The following MSLN variants were observed in gnomAD, a reference collection of about 807,000 sequenced individuals.
MSLN encodes CAK1 antigen.
A neutral mutation model predicts 72.6 loss-of-function variants in MSLN; 82 were observed. The ratio of observed to expected loss-of-function variants is 1.13; its 90% CI spans 0.94 to 1.36. The LOEUF (loss-of-function observed/expected upper bound fraction) is 1.36. MSLN is among the 40% of genes most tolerant of loss of function. The pLI is 0.00. For synonymous variants in MSLN, 456 were observed against 387.3 expected (o/e 1.18, Z -2.08); for missense variants, 1,005 against 847.9 (o/e 1.19, Z -2.30).
chr16:764,766 C>A (rs368821362), intron 7 of MSLN, 40 bp downstream of exon 7: 3 of 1,584,164 alleles, frequency 1.9e-6, no homozygotes, highest in Non-Finnish European at 8.6e-7. Flanking sequence ...CGGCTTTTGC[C>A]GCCAGCCCTC....
At chr16:766,541 G>A (rs769635186) in intron 13 of MSLN, 51 bp downstream of exon 13, 9 of 1,610,656 alleles carry the variant, frequency 5.6e-6, no homozygotes, top group Non-Finnish European at 7.6e-6. Flanking sequence ...AAGGGCTGAG[G>A]GGCAGAGTGG....
Position 765,285 on chromosome 16 carries a change from G to C in MSLN, c.686G>C (p.Gly229Ala). The change falls in exon 9 of 18, where the codon GGC becomes GCC. Residue 229 changes from glycine (G) to alanine (A), a missense_variant. Coordinates refer to ENST00000545450, the MANE Select transcript of MSLN (RefSeq NM_005823.6). ...GAGGCAGCCAGGGCGGCTCTGCAGG[G>C]CGGGGGACCCCCCTACGGGTAAGTG... ...QQEAARAALQ[G>A]GGPPYGPPST... The C allele has an allele frequency of 6.3e-7, 1 of 1,580,260 alleles. No homozygotes were observed. Among genetic ancestry groups the C allele is most frequent in the Non-Finnish European group, 8.5e-7 (1 of 1,169,746 alleles).
At chr16:765,335 C>G (rs769164156) in intron 9 of MSLN, 32 bp downstream of exon 9, 16 of 1,519,524 alleles carry the variant, frequency 1.1e-5, no homozygotes, top group Non-Finnish European at 1.4e-5. Flanking sequence ...CTCGAAGGCT[C>G]ACCTGGCGGC....
rs745665649 is a variant in MSLN at position 768,571 on chromosome 16, C to T, written c.1783+6C>T. On this transcript the variant is annotated splice_donor_region_variant and intron_variant, in intron 17 of 17. Transcript: ENST00000545450. The stretch of plus-strand genomic sequence containing the variant: ...CCTAGACCTCAGCATGCAAGGTGGG[C>T]GGGGCGGCCAGGCCAGGGCTGGGGG... 5.0e-5 allele frequency: 81 copies of T among 1,605,724 alleles called. No homozygotes were observed. The Admixed American group carries it at 5.7e-4, about 11-fold the overall frequency.
In MSLN at chr16:768,487, G is replaced by A. The variant is rs2041671794; in HGVS notation, c.1705G>A (p.Asp569Asn). 3 of 1,577,712 alleles carry A rather than the reference G, an allele frequency of 1.9e-6. No homozygotes were observed. Among genetic ancestry groups the A allele is most frequent in the Non-Finnish European group, 2.6e-6 (3 of 1,159,516 alleles). ...GGACTGGATCCTACGGCAGCGGCAG[G>A]ACGACCTGGACACGCTGGGGCTGGG... is the stretch of plus-strand genomic sequence containing the variant. ...VRDWILRQRQ[D>N]DLDTLGLGLQ... Residue 569 changes from aspartate to asparagine, a missense_variant, in exon 17 of 18, where the codon GAC (aspartate) becomes AAC (asparagine). Physicochemically the swap from Asp to Asn is conservative, Grantham distance 23. Coordinates refer to ENST00000545450, the MANE Select transcript of MSLN (RefSeq NM_005823.6).
Position 763,775 on chromosome 16 carries a change from A to T in MSLN, c.179+84A>T, listed in dbSNP as rs9929183. On this transcript the variant is annotated intron_variant, in intron 5 of 17. Coordinates refer to ENST00000545450, the MANE Select transcript of MSLN (RefSeq NM_005823.6). ...GGGTGGGCAGGGCACCCCATCCCCC[A>T]GCATCCCCTCCCCCTTCCTCCTCTG... 2.2e-5 allele frequency: 8 copies of T among 361,202 alleles called. No homozygotes were observed. In the Admixed American group the frequency reaches 2.8e-4, roughly 13 times the overall value. 22.4% of individuals were successfully genotyped at this position (361,202 alleles called of 1,614,324 possible). A position where few individuals can be genotyped will look rare whatever the true frequency, so the allele number is the denominator to read the frequency against.
chr16:765,536 G>C lies in MSLN; in HGVS notation c.714G>C (p.Ser238=). 1 of 1,605,962 alleles carries C rather than the reference G, an allele frequency of 6.2e-7. No homozygotes were observed. Among genetic ancestry groups the C allele is most frequent in the Non-Finnish European group, 8.5e-7 (1 of 1,178,838 alleles). The change falls in exon 10 of 18, where the codon TCG becomes TCC. Residue 238 remains serine, a synonymous_variant. Coordinates refer to ENST00000545450, the MANE Select transcript of MSLN (RefSeq NM_005823.6). ...TCCCGTGTCTGCACAGCCCCCCGTCGACATGGTCTGTCTCCACGATGGACG... is the reference window on the plus strand; with the variant it reads ...TCCCGTGTCTGCACAGCCCCCCGTCCACATGGTCTGTCTCCACGATGGACG... ...QGGGPPYGPP[S]TWSVSTMDAL... is the part of the protein sequence containing the mutation.
intron 7 of MSLN, 84 bp downstream of exon 7, chr16:764,810 C>T (rs1596691605): frequency 6.3e-7 from 1 of 1,580,272 alleles, no homozygotes; most frequent in Non-Finnish European, 8.6e-7. Flanking sequence ...CCTCGGATCC[C>T]AGGCCACAGC....
chr16:762,638 A>T, intron 2 of MSLN, 34 bp from the exon 3 acceptor site: 1 of 1,504,636 alleles, frequency 6.6e-7, no homozygotes, highest in South Asian at 1.1e-5. Context: ...GGGTGGGAGC[A>T]GGGGGTCCCA....
chr16:766,500 C>T lies in MSLN; in HGVS notation c.1230+10C>T, dbSNP rs72773453. ...CGAAATGAGTCCTCAGGTGACCGTCCGGCTCGGGGGTCATGTGGCATGAGA... is the reference window on the plus strand; with the variant it reads ...CGAAATGAGTCCTCAGGTGACCGTCTGGCTCGGGGGTCATGTGGCATGAGA... On this transcript the variant is annotated intron_variant, in intron 13 of 17. Coordinates refer to ENST00000545450, the MANE Select transcript of MSLN (RefSeq NM_005823.6). 0.021 allele frequency: 33,553 copies of T among 1,612,280 alleles called. 1,394 individuals are homozygous for T. Among genetic ancestry groups the T allele is most frequent in the African/African-American group, 0.16 (11,737 of 74,912 alleles).
chr16:768,327 C>T (rs899202309), intron 16 of MSLN, 52 bp from the exon 17 acceptor site: 68 of 1,469,778 alleles, frequency 4.6e-5, no homozygotes, highest in Admixed American at 1.5e-4. Flanking sequence ...AGCCCTCTGG[C>T]GGCGCTGAGG....
chr16:764,616 A>T lies in MSLN; in HGVS notation c.301-31A>T, dbSNP rs192876222. 128 of 1,600,698 alleles carry T rather than the reference A, an allele frequency of 8.0e-5. No homozygotes were observed. In the African/African-American group the frequency reaches 1.6e-3, roughly 20 times the overall value. On this transcript the variant is annotated intron_variant, in intron 6 of 17. Transcript: ENST00000545450. ...CCCACCATGTGAGTGGCGGCTCGAA[A>T]CGCTCTGTGCTGGACTCCCTGCCCC...
In MSLN at chr16:766,754, G is replaced by A. The variant is rs1273937793; in HGVS notation, c.1317G>A (p.Gly439=). ...ACACCCTGACCGCCTTCTACCCTGG[G>A]TACCTGTGCTCCCTCAGCCCCGAGG... ...TLDTLTAFYP[G]YLCSLSPEEL... The change falls in exon 14 of 18, where the codon GGG becomes GGA. Residue 439 remains glycine, a synonymous_variant. Transcript: ENST00000545450. The A allele has an allele frequency of 1.9e-6, 3 of 1,612,492 alleles. No individual in the cohort carries two copies. The highest frequency in any genetic ancestry group is 1.1e-5 in the South Asian group (1 of 91,084).
At chr16:765,896 C>T in intron 11 of MSLN, 106 bp downstream of exon 11, 1 of 1,339,170 alleles carries the variant, frequency 7.5e-7, no homozygotes, top group Admixed American at 2.0e-5. Context: ...GCAGCACATC[C>T]CATTATAATC....
intron 3 of MSLN, among the ~76,000 whole-genome samples, chr16:763,021 G>A (rs1191087819): frequency 6.6e-6 from 1 of 152,204 alleles, no homozygotes; most frequent in Non-Finnish European, 1.5e-5. Flanking sequence ...AGGGAAAGAT[G>A]TGGAAGGCCG....
In MSLN at chr16:768,457, G is replaced by T. The variant is rs777052476; in HGVS notation, c.1675G>T (p.Val559Leu). The T allele has an allele frequency of 4.5e-6, 7 of 1,554,298 alleles. No homozygotes were observed. In the South Asian group the frequency reaches 4.9e-5, roughly 11 times the overall value. Reference protein sequence around the residue: ...GLKAEERHRPVRDWILRQRQD... With the variant: ...GLKAEERHRPLRDWILRQRQD... The stretch of plus-strand genomic sequence containing the variant: ...GAAGGCGGAGGAGCGGCACCGCCCG[G>T]TGCGGGACTGGATCCTACGGCAGCG... The change falls in exon 17 of 18, where the codon GTG becomes TTG. Residue 559 changes from valine to leucine, a missense_variant. Transcript: ENST00000545450.
rs1027184456 is a variant in MSLN, at chr16:766,030, C to G, written c.896-29C>G. The G allele has an allele frequency of 2.5e-6, 4 of 1,573,820 alleles. No homozygotes were observed. In the Admixed American group the frequency reaches 5.3e-5, roughly 21 times the overall value. ...GAAGAAGGGGTCAAACGAACTCCGGCCCTGACCCCTGACCCCTGTGCCCTG... is the reference window on the plus strand; with the variant it reads ...GAAGAAGGGGTCAAACGAACTCCGGGCCTGACCCCTGACCCCTGTGCCCTG... On this transcript the variant is annotated intron_variant, in intron 11 of 17. Coordinates refer to ENST00000545450, the MANE Select transcript of MSLN (RefSeq NM_005823.6).
rs562393857 is a variant in MSLN at position 767,458 on chromosome 16, G to T, written c.1584G>T (p.Thr528=). The T allele has an allele frequency of 6.3e-7, 1 of 1,597,122 alleles. No homozygotes were observed. Among genetic ancestry groups the T allele is most frequent in the Admixed American group, 1.7e-5 (1 of 58,090 alleles). The stretch of plus-strand genomic sequence containing the variant: ...TGGCCACGTTCATGAAGCTGCGGAC[G>T]GATGCGGTGCTGGTATGGCGAGCGG... The part of the protein sequence containing the change: ...MDLATFMKLR[T]DAVLPLTVAE... Residue 528 remains threonine (T), a synonymous_variant, in exon 16 of 18, where the codon ACG becomes ACT. Coordinates refer to ENST00000545450, the MANE Select transcript of MSLN (RefSeq NM_005823.6).
rs755867062 is a variant in MSLN at position 765,041 on chromosome 16, G to T, written c.510+5G>T. 30 of 1,611,182 alleles carry T rather than the reference G, an allele frequency of 1.9e-5. No homozygotes were observed. The highest frequency in any genetic ancestry group is 2.0e-5 in the Non-Finnish European group (23 of 1,179,148). On this transcript the variant is annotated splice_donor_5th_base_variant and intron_variant, in intron 8 of 17. Transcript: ENST00000545450. ...CCTGCGGCTCTGGCCTGCTGGGTAGGGGCTGGGGCCAGCGCGGGGCGGAGA... is the reference window on the plus strand; with the variant it reads ...CCTGCGGCTCTGGCCTGCTGGGTAGTGGCTGGGGCCAGCGCGGGGCGGAGA...
Sources: gnomAD v4.1 joint callset for allele counts (sites outside exome capture counted in the v4.1 genomes callset) on GRCh38, gnomAD v4.1.1 for gene constraint, MANE v1.5 for transcripts, NCBI Gene and HGNC (gene_info 2026-07-23, HGNC 2026-07-21) for gene names.